Variants in WWC2 observed in about 807,000 individuals in gnomAD.
The protein encoded by WWC2 is WW and C2 domain containing 2.
In WWC2, 101 loss-of-function variants were observed where a neutral mutation model predicts 138.5. The observed-to-expected ratio is 0.73, with a 90% CI of 0.62 to 0.86. The LOEUF is 0.86. Ranked by LOEUF, WWC2 falls within the 40% of genes least tolerant of loss-of-function variation. WWC2 has a pLI of 0.00. For missense variants in WWC2, 1,420 were observed against 1,419.4 expected (o/e 1.00, Z -0.01); for synonymous variants, 558 against 538.4 (o/e 1.04, Z -0.50).
intron 1 of WWC2, among the ~76,000 whole-genome samples, chr4:183,185,394 A>G (rs1030111744): frequency 3.3e-5 from 5 of 152,218 alleles, no homozygotes; most frequent in African/African-American, 9.6e-5. Context: ...CTCCTATTTA[A>G]GAAAGCATAA....
chr4:183,169,516 C>G (rs988165329), intron 1 of WWC2, among the ~76,000 whole-genome samples: 1 of 152,070 alleles, frequency 6.6e-6, no homozygotes, highest in African/African-American at 2.4e-5. Context: ...TCAAGTGATT[C>G]TCCTGCCACA....
chr4:183,131,321 T>C (rs1579968595), intron 1 of WWC2, among the ~76,000 whole-genome samples: 1 of 151,980 alleles, frequency 6.6e-6, no homozygotes, highest in Non-Finnish European at 1.5e-5. Context: ...TGACTTTCTG[T>C]TGGGCAAAGA....
Position 183,271,218 on chromosome 4 carries a change from C to T in WWC2, c.2539C>T (p.Pro847Ser). Residue 847 changes from proline to serine, a missense_variant, in exon 16 of 23, where the codon CCG becomes TCG. Pro to Ser is a moderately conservative substitution (Grantham distance 74). Coordinates refer to ENST00000403733, the MANE Select transcript of WWC2 (RefSeq NM_024949.6). ...GGACTCTGTATTTCAACCAAACCAG[C>T]CGTTAGTAGATTCTATAGACTTGGT... is the stretch of plus-strand genomic sequence containing the variant. ...NEDSVFQPNQ[P>S]LVDSIDLDAV... 1.2e-6 allele frequency: 2 copies of T among 1,611,020 alleles called. No homozygotes were observed. The highest frequency in any genetic ancestry group is 1.7e-6 in the Non-Finnish European group (2 of 1,178,782).
chr4:183,139,762 A>G (rs904879985), intron 1 of WWC2, among the ~76,000 whole-genome samples: 1 of 152,218 alleles, frequency 6.6e-6, no homozygotes, highest in Non-Finnish European at 1.5e-5. Context: ...TACCCCCGTC[A>G]TCTGCCACCA....
intron 1 of WWC2, among the ~76,000 whole-genome samples, chr4:183,108,905 G>A (rs1209800517): frequency 2.0e-5 from 3 of 152,244 alleles, no homozygotes; most frequent in African/African-American, 2.4e-5. Flanking sequence ...CACCACACCC[G>A]GCCCGATTGT....
At chr4:183,222,786 C>T (rs1396398768) in intron 4 of WWC2, among the ~76,000 whole-genome samples, 2 of 151,906 alleles carry the variant, frequency 1.3e-5, no homozygotes, top group South Asian at 2.1e-4. Flanking sequence ...GGTGAAAACC[C>T]ATCTCTACTG....
chr4:183,121,785 CTT>C (rs528295307), intron 1 of WWC2, among the ~76,000 whole-genome samples: 39 of 124,148 alleles, frequency 3.1e-4, no homozygotes, highest in Admixed American at 6.6e-4. Context: ...TGTTAAGAAG[CTT>C]TTTTTTTTTT....
At chr4:183,265,204 CT>C (rs1301256872) in intron 12 of WWC2, 97 bp downstream of exon 12, 6 of 1,433,834 alleles carry the variant, frequency 4.2e-6, no homozygotes, top group Non-Finnish European at 5.5e-6. Context: ...TTAGTCCGCT[CT>C]TTGGCTTAGT....
chr4:183,120,330 G>A (rs1014659338), intron 1 of WWC2, among the ~76,000 whole-genome samples: 1 of 152,190 alleles, frequency 6.6e-6, no homozygotes, highest in African/African-American at 2.4e-5. Context: ...AAAGAAAGAT[G>A]TATTAGTGCC....
rs769604506 is a variant in WWC2 at position 183,245,425 on chromosome 4, A to T, written c.612A>T (p.Lys204Asn). 8 of 1,555,910 alleles carry T rather than the reference A, an allele frequency of 5.1e-6. No individual in the cohort carries two copies. The East Asian group carries it at 1.9e-4, about 36-fold the overall frequency. ...TTTTCTCTTTTCACAGAATTGATAA[A>T]AAAATGTCTGGAGGCCAGAGCGGGT... is the stretch of plus-strand genomic sequence containing the variant. ...QGFETLQQID[K>N]KMSGGQSGYE... Residue 204 changes from lysine (K) to asparagine (N), a missense_variant, in exon 6 of 23, where the codon AAA becomes AAT. Lys to Asn is a moderately conservative substitution (Grantham distance 94, BLOSUM62 0). Coordinates refer to ENST00000403733, the MANE Select transcript of WWC2 (RefSeq NM_024949.6).
At chr4:183,120,062 G>C (rs142669722) in intron 1 of WWC2, among the ~76,000 whole-genome samples, 1 of 152,076 alleles carries the variant, frequency 6.6e-6, no homozygotes, top group Non-Finnish European at 1.5e-5. Flanking sequence ...TATCCTAGCC[G>C]TAGAGATGAA....
intron 2 of WWC2, among the ~76,000 whole-genome samples, chr4:183,194,710 T>G (rs1735086270): frequency 6.6e-6 from 1 of 152,194 alleles, no homozygotes; most frequent in South Asian, 2.1e-4. Context: ...TATTATTAGC[T>G]GTGAGGCACC....
In WWC2 at chr4:183,303,669, GATAA is replaced by G. The variant is rs1465792044; in HGVS notation, c.3385-8666_3385-8663del. ...ATTGTCTTTCTATTTAATACTTAAT[GATAA>G]ATAAACATAAATTTGGATTTTATAT... On this transcript the variant is annotated intron_variant, in intron 21 of 22. Coordinates refer to ENST00000403733, the MANE Select transcript of WWC2 (RefSeq NM_024949.6). Among the ~76,000 whole-genome samples, 4 of 152,218 alleles carry G rather than the reference GATAA, an allele frequency of 2.6e-5. No homozygotes were observed. In the East Asian group the frequency reaches 5.8e-4, roughly 22 times the overall value.
chr4:183,196,276 T>C (rs4510500), intron 2 of WWC2, among the ~76,000 whole-genome samples: 148,096 of 152,244 alleles, frequency 0.97, 72,178 homozygotes, highest in East Asian at 1. Context: ...TAATACACCC[T>C]ACAAACTATC....
At chr4:183,219,706 A>G (rs887572556) in intron 4 of WWC2, among the ~76,000 whole-genome samples, 1 of 152,202 alleles carries the variant, frequency 6.6e-6, no homozygotes, top group Admixed American at 6.5e-5. Context: ...TAGACTGCAC[A>G]TTTTATACAT....
chr4:183,166,778 T>C (rs993375193), intron 1 of WWC2, among the ~76,000 whole-genome samples: 1 of 152,150 alleles, frequency 6.6e-6, no homozygotes, highest in African/African-American at 2.4e-5. Context: ...GTCAATATCA[T>C]AAGAAAGGTA....
At chr4:183,150,888 A>G (rs897019816) in intron 1 of WWC2, among the ~76,000 whole-genome samples, 2 of 152,178 alleles carry the variant, frequency 1.3e-5, no homozygotes, top group African/African-American at 4.8e-5. Context: ...TTATGGCTGT[A>G]TAGTATTCCA....
chr4:183,219,050 G>C (rs1301488353), intron 4 of WWC2, among the ~76,000 whole-genome samples: 1 of 152,096 alleles, frequency 6.6e-6, no homozygotes, highest in Non-Finnish European at 1.5e-5. Context: ...CAACATGGAT[G>C]AACCTTGAAA....
chr4:183,308,848 A>G (rs1739110287), intron 21 of WWC2, among the ~76,000 whole-genome samples: 3 of 152,212 alleles, frequency 2.0e-5, no homozygotes, highest in Admixed American at 6.5e-5. Context: ...TACAGTTGCA[A>G]CCATCCATTT....
Sources: allele counts gnomAD v4.1 joint callset (sites outside exome capture counted in the v4.1 genomes callset), GRCh38; gene constraint gnomAD v4.1.1; transcripts MANE v1.5; gene names NCBI Gene and HGNC (gene_info 2026-07-23, HGNC 2026-07-21).